IL4R: variants seen among roughly 807,000 people sequenced by gnomAD.
IL4R encodes interleukin-4 receptor subunit alpha.
In IL4R, 17 loss-of-function variants were observed where a neutral mutation model predicts 41.5. The observed-to-expected ratio is 0.41, with a 90% CI of 0.28 to 0.61. The LOEUF is 0.61. IL4R is among the 20% of genes least tolerant of loss of function. The pLI, the probability that IL4R is intolerant of heterozygous loss-of-function variation, is 0.31. For missense variants in IL4R, 974 were observed against 1,043.1 expected, an observed-to-expected ratio of 0.93 and a Z score of 0.91; for synonymous variants, 402 against 422.9, an observed-to-expected ratio of 0.95 and a Z score of 0.61.
chr16:27,362,923 A>G lies in IL4R; in HGVS notation c.1571A>G (p.Glu524Gly). The G allele has an allele frequency of 6.2e-7, 1 of 1,614,120 alleles. No homozygotes were observed. Among genetic ancestry groups the G allele is most frequent in the Non-Finnish European group, 8.5e-7 (1 of 1,180,024 alleles). ...GPDPLLARHL[E>G]EVEPEMPCVP... ...GACCCACTGCTGGCCAGACACCTGG[A>G]GGAAGTAGAACCCGAGATGCCCTGT... Residue 524 changes from glutamate (E) to glycine (G), a missense_variant, in exon 11 of 11, where the codon GAG becomes GGG. By Grantham distance (98) the Glu-to-Gly change is moderately conservative (BLOSUM62 -2). Coordinates refer to ENST00000395762, the MANE Select transcript of IL4R (RefSeq NM_000418.4).
chr16:27,336,814 C>T (rs1408536545), intron 2 of IL4R, among the ~76,000 whole-genome samples: 1 of 151,986 alleles, frequency 6.6e-6, no homozygotes, highest in South Asian at 2.1e-4. Flanking sequence ...CTCAGTGGCT[C>T]ACGCCTGTAA....
chr16:27,326,283 G>A (rs1244363324), intron 1 of IL4R, among the ~76,000 whole-genome samples: 2 of 152,148 alleles, frequency 1.3e-5, no homozygotes, highest in Admixed American at 1.3e-4. Flanking sequence ...ATGAATGAAT[G>A]GCCTGTTTGC....
In IL4R at chr16:27,364,774, CTT is replaced by C. The variant is rs1447036861; in HGVS notation, c.*946_*947del. On this transcript the variant is annotated 3_prime_UTR_variant, in exon 11 of 11. Transcript: ENST00000395762. The stretch of plus-strand genomic sequence containing the variant: ...TTGTATAAATAAAGTTTCTTTGTCT[CTT>C]TATTTTTTATGTATTAACCAAACAT... 1 of 152,142 alleles carries C rather than the reference CTT, an allele frequency of 6.6e-6. No homozygotes were observed. The highest frequency in any genetic ancestry group is 2.1e-4 in the South Asian group (1 of 4,824). 9.4% of individuals were successfully genotyped at this position (152,142 alleles called of 1,614,324 possible).
At chr16:27,341,427 T>C (rs1200390907) in intron 3 of IL4R, 2 of 530,794 alleles carry the variant, frequency 3.8e-6, no homozygotes, top group Non-Finnish European at 6.7e-6. Flanking sequence ...ATGCAAGTTG[T>C]TGTCAGCTGA....
rs1049657568 is a variant in IL4R at position 27,345,127 on chromosome 16, G to A, written c.361+107G>A. On this transcript the variant is annotated intron_variant, in intron 5 of 10. Coordinates refer to ENST00000395762, the MANE Select transcript of IL4R (RefSeq NM_000418.4). This position sits in a 1 kb window ranked among gnomAD's most constrained non-coding sequence, Gnocchi z 4.5. ...AGGTGGGGTCATAGCAACAGCAGGA[G>A]GAAGCCGCCTGTATTTTCCCAAATC... The A allele has an allele frequency of 5.8e-6, 7 of 1,216,884 alleles. No homozygotes were observed. Among genetic ancestry groups the A allele is most frequent in the Non-Finnish European group, 8.2e-6 (7 of 851,702 alleles). The allele number at this position is 1,216,884 out of a possible 1,614,324, so 75.4% of individuals were successfully genotyped here.
intron 8 of IL4R, among the ~76,000 whole-genome samples, chr16:27,357,358 C>T (rs1353562258): frequency 6.6e-6 from 1 of 152,226 alleles, no homozygotes; most frequent in Non-Finnish European, 1.5e-5. Flanking sequence ...CGGCTCACTG[C>T]AGCCTCCAAT....
intron 1 of IL4R, among the ~76,000 whole-genome samples, chr16:27,325,152 C>T (rs1178266949): frequency 2.0e-5 from 3 of 150,868 alleles, no homozygotes; most frequent in Non-Finnish European, 4.5e-5. Context: ...CCCAGCCAGT[C>T]CTTCTCCCCC....
chr16:27,327,316 TGCCCCCCTGCCACCC>T, intron 1 of IL4R, among the ~76,000 whole-genome samples: 1 of 151,946 alleles, frequency 6.6e-6, no homozygotes, highest in South Asian at 2.1e-4. Context: ...CTCCGCCCCC[TGCCCCCCTGCCACCC>T]GCTGTGGGTT....
chr16:27,356,752 C>A (rs2086095603), intron 8 of IL4R, among the ~76,000 whole-genome samples: 1 of 152,186 alleles, frequency 6.6e-6, no homozygotes, highest in Non-Finnish European at 1.5e-5. Flanking sequence ...GGGTTTGAAT[C>A]CTGGCCTTGG....
intron 2 of IL4R, among the ~76,000 whole-genome samples, chr16:27,336,882 C>A (rs1026070952): frequency 1.1e-4 from 16 of 152,014 alleles, no homozygotes; most frequent in Admixed American, 3.9e-4. Context: ...AGTTCAAGAC[C>A]AGCCTGACCA....
chr16:27,358,604 C>G (rs901092405), intron 8 of IL4R, among the ~76,000 whole-genome samples: 1 of 152,184 alleles, frequency 6.6e-6, no homozygotes, highest in East Asian at 1.9e-4. Flanking sequence ...GGTCTCATTC[C>G]CACTGAGGAC....
rs141519721 is a variant in IL4R, at chr16:27,363,435, C to A, written c.2083C>A (p.Pro695Thr). Residue 695 changes from proline (P) to threonine (T), a missense_variant, in exon 11 of 11, where the codon CCC becomes ACC. Physicochemically the swap from Pro to Thr is conservative, Grantham distance 38. Transcript: ENST00000395762. ...KVEDMPKPPL[P>T]QEQATDPLVD... is the part of the protein sequence containing the mutation. ...AGAGGACATGCCAAAGCCCCCACTT[C>A]CCCAGGAGCAGGCCACAGACCCCCT... 4.5e-5 allele frequency: 73 copies of A among 1,614,002 alleles called. No individual in the cohort carries two copies. Among genetic ancestry groups the A allele is most frequent in the Non-Finnish European group, 5.9e-5 (70 of 1,180,004 alleles).
At chr16:27,318,095 A>T (rs1257588467) in intron 1 of IL4R, among the ~76,000 whole-genome samples, 1 of 152,194 alleles carries the variant, frequency 6.6e-6, no homozygotes, top group African/African-American at 2.4e-5. Context: ...ACGATTTCTG[A>T]AAACCGAAAG....
At chr16:27,348,611 GT>G (rs1241721698) in intron 6 of IL4R, among the ~76,000 whole-genome samples, 3 of 151,962 alleles carry the variant, frequency 2.0e-5, no homozygotes, top group African/African-American at 4.8e-5. Context: ...TGGGAAAAGG[GT>G]TTTTTTTCTT....
chr16:27,313,903 C>T (rs980099380), upstream of IL4R: 2 of 984,516 alleles, frequency 2.0e-6, no homozygotes, highest in Non-Finnish European at 2.4e-6. Flanking sequence ...GAAGCCGGGG[C>T]GGGCTGGGTC....
intron 1 of IL4R, among the ~76,000 whole-genome samples, chr16:27,315,132 C>T (rs920229951): frequency 6.6e-6 from 1 of 152,238 alleles, no homozygotes; most frequent in Non-Finnish European, 1.5e-5. Flanking sequence ...GCATGACCCA[C>T]TGCACTTCCC....
chr16:27,362,277 C>T lies in IL4R; in HGVS notation c.925C>T (p.Leu309Phe). The change falls in exon 11 of 11, where the codon CTC (leucine) becomes TTC (phenylalanine). Residue 309 changes from leucine (L) to phenylalanine (F), a missense_variant. Around this residue, in one of 3 missense-constraint regions of IL4R, gnomAD observed 682 missense variants for 704.3 expected, o/e 0.97. Coordinates refer to ENST00000395762, the MANE Select transcript of IL4R (RefSeq NM_000418.4). ...ACACTGGAAGAATTGTCTTACCAAG[C>T]TCTTGCCCTGTTTTCTGGAGCACAA... ...CPHWKNCLTK[L>F]LPCFLEHNMK... 6.2e-7 allele frequency: 1 copy of T among 1,614,144 alleles called. No individual in the cohort carries two copies. The highest frequency in any genetic ancestry group is 8.5e-7 in the Non-Finnish European group (1 of 1,179,984).
intron 6 of IL4R, among the ~76,000 whole-genome samples, chr16:27,349,945 C>T (rs1283678871): frequency 6.6e-6 from 1 of 152,150 alleles, no homozygotes; most frequent in African/African-American, 2.4e-5. Flanking sequence ...GCGACAGGGT[C>T]TCGCCATGTT....
At chr16:27,317,592 C>T (rs536902719) in intron 1 of IL4R, among the ~76,000 whole-genome samples, 1 of 152,252 alleles carries the variant, frequency 6.6e-6, no homozygotes, top group South Asian at 2.1e-4. Context: ...GCTGGGGGAT[C>T]CACTGTCAGA....
Sources: allele counts gnomAD v4.1 joint callset (sites outside exome capture counted in the v4.1 genomes callset), GRCh38; gene constraint gnomAD v4.1.1; regional missense constraint gnomAD v4.1.1; non-coding constraint Gnocchi (gnomAD v3.1); transcripts MANE v1.5; gene names NCBI Gene and HGNC (gene_info 2026-07-23, HGNC 2026-07-21).